The following SYT17 variants were observed in gnomAD, a reference collection of about 807,000 sequenced individuals.
SYT17 encodes the protein synaptotagmin 17.
In SYT17, 22 loss-of-function variants were observed where a neutral mutation model predicts 46.7. The observed-to-expected ratio is 0.47, with a 90% CI of 0.34 to 0.67. SYT17 has a LOEUF of 0.67. Ranked by LOEUF, SYT17 falls within the 30% of genes least tolerant of loss-of-function variation. The pLI is 0.01. For missense variants in SYT17, 519 were observed against 612.8 expected, an observed-to-expected ratio of 0.85 and a Z score of 1.62; for synonymous variants, 251 against 248.4, an observed-to-expected ratio of 1.01 and a Z score of -0.10.
At chr16:19,245,876 G>T (rs902816903) in intron 7 of SYT17, among the ~76,000 whole-genome samples, 3 of 151,862 alleles carry the variant, frequency 2.0e-5, no homozygotes, top group African/African-American at 4.8e-5. Flanking sequence ...CAGTACTGAT[G>T]GCTTTTTAGT....
chr16:19,224,668 G>A lies in SYT17; in HGVS notation c.1073-15G>A. On this transcript the variant is annotated splice_polypyrimidine_tract_variant and intron_variant, in intron 6 of 7. Transcript: ENST00000355377. The stretch of plus-strand genomic sequence containing the variant: ...ATGATCTCCAACATTCTATGATGCT[G>A]TGTCTAATTTTCAGACCCCTTTGTG... 6.2e-7 allele frequency: 1 copy of A among 1,613,712 alleles called. No homozygotes were observed. Among genetic ancestry groups the A allele is most frequent in the Non-Finnish European group, 8.5e-7 (1 of 1,179,692 alleles).
At chr16:19,182,936 C>G (rs1292761594) in intron 4 of SYT17, among the ~76,000 whole-genome samples, 1 of 152,206 alleles carries the variant, frequency 6.6e-6, no homozygotes, top group Non-Finnish European at 1.5e-5. Flanking sequence ...GTTATTGACT[C>G]TATTTTACTG....
rs1969439163 is a variant in SYT17, at chr16:19,267,354, T to C, written c.*278T>C. ...TCAGTGGGCTCTGCCGTGGGACTTA[T>C]TGGCAGTGCCTGCTCTTGTCAATAC... On this transcript the variant is annotated 3_prime_UTR_variant, in exon 8 of 8. Transcript: ENST00000355377. The C allele has an allele frequency of 6.4e-6, 2 of 312,764 alleles. No individual in the cohort carries two copies. Among genetic ancestry groups the C allele is most frequent in the East Asian group, 1.2e-4 (2 of 16,830 alleles). 19.4% of individuals were successfully genotyped at this position (312,764 alleles called of 1,614,324 possible).
At chr16:19,195,012 G>A (rs1271917230) in intron 5 of SYT17, among the ~76,000 whole-genome samples, 2 of 152,272 alleles carry the variant, frequency 1.3e-5, no homozygotes, top group Non-Finnish European at 2.9e-5. Context: ...AGACTGATCT[G>A]GTTAAAAGTT....
intron 5 of SYT17, among the ~76,000 whole-genome samples, chr16:19,186,636 C>A (rs913068398): frequency 4.6e-5 from 7 of 152,154 alleles, no homozygotes; most frequent in Non-Finnish European, 1.0e-4. Context: ...GCTGTTAATG[C>A]CTTTAATTGT....
chr16:19,200,122 A>T (rs1965403122), intron 5 of SYT17, among the ~76,000 whole-genome samples: 1 of 152,246 alleles, frequency 6.6e-6, no homozygotes, highest in African/African-American at 2.4e-5. Context: ...AGCAGTTTAT[A>T]GTATCAAAAG....
intron 7 of SYT17, among the ~76,000 whole-genome samples, chr16:19,235,822 T>C (rs573099968): frequency 2.6e-5 from 4 of 152,064 alleles, no homozygotes; most frequent in Non-Finnish European, 5.9e-5. Context: ...ATGAACTCAA[T>C]AGCAGAATGG....
chr16:19,186,587 G>C (rs1964800400), intron 5 of SYT17, among the ~76,000 whole-genome samples: 1 of 152,238 alleles, frequency 6.6e-6, no homozygotes, highest in South Asian at 2.1e-4. Context: ...TCACACTCGG[G>C]CTTCCAGCCT....
At chr16:19,254,029 C>T (rs11866121) in intron 7 of SYT17, among the ~76,000 whole-genome samples, 173 of 152,272 alleles carry the variant, frequency 1.1e-3, no homozygotes, top group African/African-American at 3.9e-3. Context: ...GCACCCAGTC[C>T]TCTTTCAATT....
intron 5 of SYT17, among the ~76,000 whole-genome samples, chr16:19,208,232 T>C (rs1965747207): frequency 6.6e-6 from 1 of 152,196 alleles, no homozygotes; most frequent in Non-Finnish European, 1.5e-5. Context: ...TCTAGGGCTG[T>C]TGTAAGAAAA....
chr16:19,243,924 C>T (rs1967335580), intron 7 of SYT17, among the ~76,000 whole-genome samples: 1 of 151,030 alleles, frequency 6.6e-6, no homozygotes, highest in East Asian at 1.9e-4. Flanking sequence ...TCAATAAGTT[C>T]CTAAGGCACT....
intron 5 of SYT17, among the ~76,000 whole-genome samples, chr16:19,196,821 A>C (rs954346816): frequency 6.6e-6 from 1 of 152,188 alleles, no homozygotes; most frequent in African/African-American, 2.4e-5. Flanking sequence ...ACATGGGTCC[A>C]CCATTGTAAT....
intron 2 of SYT17, 131 bp downstream of exon 2, chr16:19,172,908 T>A (rs1379999103): frequency 1.8e-6 from 2 of 1,132,402 alleles, no homozygotes; most frequent in East Asian, 2.5e-5. Context: ...AACGGCACAG[T>A]TTCCATTCCT....
At chr16:19,266,827 G>T in intron 7 of SYT17, 53 bp from the exon 8 acceptor site, 1 of 1,546,634 alleles carries the variant, frequency 6.5e-7, no homozygotes, top group South Asian at 1.2e-5. Context: ...TTCCTGTTCT[G>T]TTCCCCTCCT....
At chr16:19,172,262 C>A in intron 1 of SYT17, 2 of 1,072,528 alleles carry the variant, frequency 1.9e-6, no homozygotes, top group East Asian at 4.1e-5. Context: ...TGATAGGAAA[C>A]ACCCCACCAT....
rs181024374 is a variant in SYT17 at position 19,243,300 on chromosome 16, C to T, written c.1228+18462C>T. Among the ~76,000 whole-genome samples, 38 of 152,260 alleles carry T rather than the reference C, an allele frequency of 2.5e-4. 1 individual carries two copies. Among genetic ancestry groups the T allele is most frequent in the Admixed American group, 2.0e-3 (31 of 15,290 alleles). On this transcript the variant is annotated intron_variant, in intron 7 of 7. Coordinates refer to ENST00000355377, the MANE Select transcript of SYT17 (RefSeq NM_016524.4). ...TCTTGAGGATCTTGAGTGACTGGTC[C>T]AGGAACCAGGGAGAGTATCTGCTGA...
intron 1 of SYT17, chr16:19,171,632 T>C (rs2142500260): frequency 6.6e-6 from 1 of 152,316 alleles, no homozygotes; most frequent in African/African-American, 2.4e-5. Flanking sequence ...GCCCTACCTA[T>C]GCTATTATTA....
chr16:19,227,136 A>G (rs569849770), intron 7 of SYT17, among the ~76,000 whole-genome samples: 7 of 152,308 alleles, frequency 4.6e-5, no homozygotes, highest in African/African-American at 1.2e-4. Context: ...AGTGAGATCA[A>G]TAAACACACG....
At chr16:19,195,943 A>G (rs542354412) in intron 5 of SYT17, among the ~76,000 whole-genome samples, 1 of 151,660 alleles carries the variant, frequency 6.6e-6, no homozygotes, top group East Asian at 1.9e-4. Flanking sequence ...TATGATGGCA[A>G]CACTGCACTC....
Sources: gnomAD v4.1 joint callset for allele counts (sites outside exome capture counted in the v4.1 genomes callset) on GRCh38, gnomAD v4.1.1 for gene constraint, MANE v1.5 for transcripts, NCBI Gene and HGNC (gene_info 2026-07-23, HGNC 2026-07-21) for gene names.